Variants in CNOT1 observed in about 807,000 individuals in gnomAD.
The protein encoded by CNOT1 is CCR4-NOT transcription complex subunit 1.
In CNOT1, 15 loss-of-function variants were observed where a neutral mutation model predicts 273.8. The observed-to-expected ratio is 0.05, with a 90% CI of 0.04 to 0.08. The LOEUF (loss-of-function observed/expected upper bound fraction) is 0.08. Ranked by LOEUF, CNOT1 falls within the 10% of genes least tolerant of loss-of-function variation. The pLI, the probability that CNOT1 is intolerant of heterozygous loss-of-function variation, is 1.00. For synonymous variants in CNOT1, 1,022 were observed against 1,005.5 expected, an observed-to-expected ratio of 1.02 and a Z score of -0.31; for missense variants, 1,644 against 2,912.2, an observed-to-expected ratio of 0.56 and a Z score of 10.02.
At chr16:58,582,763 A>G (rs1438824147) in intron 10 of CNOT1, 30 bp downstream of exon 10, 1 of 1,225,760 alleles carries the variant, frequency 8.2e-7, no homozygotes. Context: ...CAAATACCAC[A>G]AATCAAAAAT....
At chr16:58,524,181 C>CTT (rs2039501901) in intron 46 of CNOT1, among the ~76,000 whole-genome samples, 1 of 136,166 alleles carries the variant, frequency 7.3e-6, no homozygotes, top group Non-Finnish European at 1.5e-5. Context: ...ACCCCTGAGG[C>CTT]GGAAGTTATG....
At chr16:58,543,334 T>C (rs1465817017) in intron 31 of CNOT1, 1 of 1,549,444 alleles carries the variant, frequency 6.5e-7, no homozygotes, top group Non-Finnish European at 8.7e-7. Flanking sequence ...ACATTTCCTT[T>C]TTAAATCTTA....
intron 1 of CNOT1, among the ~76,000 whole-genome samples, chr16:58,600,585 A>T (rs2152010080): frequency 6.6e-6 from 1 of 152,262 alleles, no homozygotes; most frequent in South Asian, 2.1e-4. Flanking sequence ...CTTCAGAATC[A>T]GGTAGTTTGG....
At chr16:58,620,653 TAAAAAAAAAAAA>T (rs200053031) in intron 1 of CNOT1, among the ~76,000 whole-genome samples, 5 of 106,828 alleles carry the variant, frequency 4.7e-5, no homozygotes, top group African/African-American at 1.5e-4. Context: ...CTGTCTCATT[TAAAAAAAAAAAA>T]AAAAAAAAAA....
chr16:58,620,704 C>A (rs1438304901), intron 1 of CNOT1, among the ~76,000 whole-genome samples: 2 of 126,492 alleles, frequency 1.6e-5, no homozygotes, highest in South Asian at 2.8e-4. Flanking sequence ...TTGGGTACCA[C>A]TGCTTAACAG....
intron 2 of CNOT1, among the ~76,000 whole-genome samples, chr16:58,594,330 T>C (rs1409920863): frequency 1.3e-5 from 2 of 151,732 alleles, no homozygotes; most frequent in African/African-American, 2.4e-5. Context: ...AATACGCAAA[T>C]GCACCAAGGC....
In CNOT1 at chr16:58,534,209, G is replaced by A; in HGVS notation, c.5833C>T (p.Leu1945=). The part of the protein sequence containing the change: ...NLDAFVRLIA[L]LVKHSGEATN... ...GCCTCCCCTGAGTGTTTCACGAGCA[G>A]TGCAATGAGTCGAACAAAGGCATCC... Residue 1945 remains leucine (L), a synonymous_variant, in exon 40 of 49, where the codon CTG becomes TTG. Transcript: ENST00000317147. The A allele has an allele frequency of 6.2e-7, 1 of 1,614,218 alleles. No homozygotes were observed. Among genetic ancestry groups the A allele is most frequent in the Non-Finnish European group, 8.5e-7 (1 of 1,180,030 alleles).
chr16:58,542,654 T>G, intron 31 of CNOT1, 86 bp from the exon 32 acceptor site: 1 of 1,528,874 alleles, frequency 6.5e-7, no homozygotes, highest in East Asian at 2.3e-5. Context: ...TAGTAGAAAA[T>G]GCAGTGCATT....
intron 16 of CNOT1, among the ~76,000 whole-genome samples, chr16:58,574,147 C>T (rs1299221674): frequency 2.0e-5 from 3 of 151,830 alleles, no homozygotes; most frequent in African/African-American, 2.4e-5. Flanking sequence ...GTGGGTGGCA[C>T]GTGCCTGTGG....
intron 16 of CNOT1, among the ~76,000 whole-genome samples, chr16:58,569,566 A>G (rs947188472): frequency 1.3e-5 from 2 of 151,970 alleles, no homozygotes; most frequent in African/African-American, 4.8e-5. Context: ...CAGATACTAC[A>G]CTCTACAACA....
intron 6 of CNOT1, among the ~76,000 whole-genome samples, 154 bp downstream of exon 6, chr16:58,587,047 G>A (rs2041897480): frequency 6.6e-6 from 1 of 152,128 alleles, no homozygotes; most frequent in African/African-American, 2.4e-5. Context: ...GTGGTTATGA[G>A]GGTAACATTT....
At chr16:58,627,749 T>C (rs982866153) in intron 1 of CNOT1, among the ~76,000 whole-genome samples, 2 of 152,162 alleles carry the variant, frequency 1.3e-5, no homozygotes, top group African/African-American at 4.8e-5. Flanking sequence ...CACAAAACCG[T>C]ACCTTAAAAC....
intron 20 of CNOT1, 117 bp from the exon 21 acceptor site, chr16:58,555,654 A>T: frequency 1.3e-6 from 2 of 1,539,714 alleles, no homozygotes; most frequent in Non-Finnish European, 1.7e-6. Flanking sequence ...AGCTTGAGAC[A>T]AATATTAAGG....
intron 1 of CNOT1, among the ~76,000 whole-genome samples, chr16:58,627,179 C>T (rs773264714): frequency 1.6e-4 from 24 of 151,866 alleles, no homozygotes; most frequent in Non-Finnish European, 3.1e-4. Context: ...GAGGGTGAGG[C>T]GGGTGGATCA....
At chr16:58,593,378 G>A (rs533949524) in intron 2 of CNOT1, among the ~76,000 whole-genome samples, 1 of 152,214 alleles carries the variant, frequency 6.6e-6, no homozygotes, top group African/African-American at 2.4e-5. Context: ...TGACCAACAT[G>A]GAGAAACCTC....
At chr16:58,591,364 C>G (rs2042046377) in intron 2 of CNOT1, among the ~76,000 whole-genome samples, 4 of 152,194 alleles carry the variant, frequency 2.6e-5, no homozygotes, top group Admixed American at 2.6e-4. Context: ...TCCCGTTATC[C>G]TTACATTTGT....
chr16:58,549,154 C>T (rs973898941), intron 25 of CNOT1, among the ~76,000 whole-genome samples: 1 of 151,654 alleles, frequency 6.6e-6, no homozygotes, highest in African/African-American at 2.4e-5. Context: ...CTGGGCATGG[C>T]GGTACAACTA....
intron 43 of CNOT1, 72 bp from the exon 44 acceptor site, chr16:58,528,720 AG>A: frequency 9.4e-7 from 1 of 1,062,650 alleles, no homozygotes; most frequent in South Asian, 1.6e-5. Flanking sequence ...TTGTAACTTA[AG>A]CCCCCCACCC....
In CNOT1 at chr16:58,610,270, C is replaced by T. The variant is rs2042847801; in HGVS notation, c.-174-10759G>A. The stretch of plus-strand genomic sequence containing the variant: ...CCATCTCTACTAAAAATACAAAAAA[C>T]TAGCCAGGCATGGTGGTAGACACCT... On this transcript the variant is annotated intron_variant, in intron 1 of 48. Transcript: ENST00000317147. 8.5e-5 allele frequency among the ~76,000 whole-genome samples: 13 copies of T among 152,254 alleles called. No homozygotes were observed. In the South Asian group the frequency reaches 2.7e-3, roughly 32 times the overall value.
Sources: gnomAD v4.1 joint callset for allele counts (sites outside exome capture counted in the v4.1 genomes callset) on GRCh38, gnomAD v4.1.1 for gene constraint, MANE v1.5 for transcripts, NCBI Gene and HGNC (gene_info 2026-07-23, HGNC 2026-07-21) for gene names.